The following SELP variants were observed in gnomAD, a reference collection of about 807,000 sequenced individuals.
SELP encodes the protein selectin P, also known as P-selectin.
Under a neutral mutation model 104.1 loss-of-function variants are expected in SELP, and 92 were observed. The observed-to-expected ratio is 0.88, with a 90% CI of 0.75 to 1.05. The LOEUF is 1.05. Ranked by LOEUF, SELP falls within the 50% of genes least tolerant of loss-of-function variation. The pLI, the probability that SELP is intolerant of heterozygous loss-of-function variation, is 0.00. For synonymous variants in SELP, 397 were observed against 364.5 expected (o/e 1.09, Z -1.01); for missense variants, 1,022 against 1,017.3 (o/e 1.00, Z -0.06).
chr1:169,616,970 AG>A, intron 3 of SELP, 57 bp downstream of exon 3: 2 of 1,506,114 alleles, frequency 1.3e-6, no homozygotes, highest in Non-Finnish European at 8.9e-7. Flanking sequence ...TTGGCCAACC[AG>A]AGAAGGCAGG....
At chr1:169,607,690 C>G (rs922774695) in intron 8 of SELP, among the ~76,000 whole-genome samples, 1 of 152,152 alleles carries the variant, frequency 6.6e-6, no homozygotes, top group Non-Finnish European at 1.5e-5. Flanking sequence ...AGAGAGCACA[C>G]ATATTCCATG....
chr1:169,615,798 G>A (rs1214528442), intron 3 of SELP, among the ~76,000 whole-genome samples: 2 of 152,192 alleles, frequency 1.3e-5, no homozygotes, highest in African/African-American at 2.4e-5. Context: ...TTGGGGAGAA[G>A]AGGGACAATG....
rs184628814 is a variant in SELP, at chr1:169,591,658, C to T, written c.2408-202G>A. On this transcript the variant is annotated intron_variant, in intron 14 of 16. Coordinates refer to ENST00000263686, the MANE Select transcript of SELP (RefSeq NM_003005.4). ...AAATTAAACATTCGACAATATTTAACTCCAGAGTCCTGTCACTTTCTTCCT... is the reference window on the plus strand; with the variant it reads ...AAATTAAACATTCGACAATATTTAATTCCAGAGTCCTGTCACTTTCTTCCT... The T allele has an allele frequency of 1.1e-4, 45 of 403,118 alleles. No individual in the cohort carries two copies. In the Admixed American group the frequency reaches 1.1e-3, roughly 10 times the overall value. The allele number at this position is 403,118 out of a possible 1,614,324, so 25.0% of individuals were successfully genotyped here. A position where few individuals can be genotyped will look rare whatever the true frequency, so the allele number is the denominator to read the frequency against.
chr1:169,600,863 G>A (rs1661872459), intron 10 of SELP, among the ~76,000 whole-genome samples: 1 of 152,178 alleles, frequency 6.6e-6, no homozygotes, highest in Non-Finnish European at 1.5e-5. Flanking sequence ...ATCAGTCAAG[G>A]TTGATAATTC....
intron 12 of SELP, among the ~76,000 whole-genome samples, chr1:169,595,434 C>T (rs1320398737): frequency 6.6e-6 from 1 of 152,050 alleles, no homozygotes; most frequent in Non-Finnish European, 1.5e-5. Flanking sequence ...GTGACATTTG[C>T]AAAGCACTGT....
At chr1:169,599,538 A>G (rs747455462) in intron 10 of SELP, among the ~76,000 whole-genome samples, 1 of 152,192 alleles carries the variant, frequency 6.6e-6, no homozygotes, top group African/African-American at 2.4e-5. Context: ...GAATTCTTAA[A>G]CATATTGATT....
intron 15 of SELP, among the ~76,000 whole-genome samples, 175 bp downstream of exon 15, chr1:169,591,251 A>G (rs890029415): frequency 1.3e-4 from 20 of 152,176 alleles, no homozygotes; most frequent in African/African-American, 4.6e-4. Context: ...CCTACTTTAT[A>G]TTTTAATTAG....
At chr1:169,592,741 T>C (rs536295037) in intron 14 of SELP, among the ~76,000 whole-genome samples, 8 of 152,178 alleles carry the variant, frequency 5.3e-5, no homozygotes, top group Non-Finnish European at 8.8e-5. Flanking sequence ...GCATCAACTT[T>C]ACAAATTTTC....
At chr1:169,608,670 A>G (rs1177377708) in intron 8 of SELP, among the ~76,000 whole-genome samples, 1 of 152,170 alleles carries the variant, frequency 6.6e-6, no homozygotes, top group Non-Finnish European at 1.5e-5. Flanking sequence ...AGTGCTATGA[A>G]CATGGGTGCA....
intron 1 of SELP, among the ~76,000 whole-genome samples, chr1:169,628,739 C>T (rs991624817): frequency 3.3e-5 from 5 of 152,146 alleles, no homozygotes; most frequent in Non-Finnish European, 7.3e-5. Flanking sequence ...AGGAGGATGC[C>T]AAGGAGAGTA....
rs780401960 is a variant in SELP, at chr1:169,611,633, C to G, written c.1006G>C (p.Asp336His). The change falls in exon 7 of 17, where the codon GAC becomes CAC. Residue 336 changes from aspartate (D) to histidine (H), a missense_variant. Coordinates refer to ENST00000263686, the MANE Select transcript of SELP (RefSeq NM_003005.4). ...HLEAPSEGTMDCVHPLTAFAY... is the reference protein window; with the variant it reads ...HLEAPSEGTMHCVHPLTAFAY... ...AAAGCAGTGAGCGGATGAACACAGT[C>G]CATGGTTCCTTCACTGGGGGCTTCC... 1 of 1,614,082 alleles carries G rather than the reference C, an allele frequency of 6.2e-7. No homozygotes were observed. Among genetic ancestry groups the G allele is most frequent in the East Asian group, 2.2e-5 (1 of 44,878 alleles).
At chr1:169,610,694 G>A (rs780503576) in intron 7 of SELP, among the ~76,000 whole-genome samples, 3 of 152,050 alleles carry the variant, frequency 2.0e-5, no homozygotes, top group South Asian at 2.1e-4. Context: ...CAGGAGAATC[G>A]TTTGAACCTG....
Position 169,607,134 on chromosome 1 carries a change from G to T in SELP, c.1334C>A (p.Ala445Asp). Residue 445 changes from alanine to aspartate, a missense_variant and splice_region_variant, in exon 9 of 17, where the codon GCT becomes GAT. Transcript: ENST00000263686. Reference protein sequence around the residue: ...QWTAPAPVCQALQCQDLPVPN... With the variant: ...QWTAPAPVCQDLQCQDLPVPN... The stretch of plus-strand genomic sequence containing the variant: ...AACTGGGAGATCCTGGCACTGCAAA[G>T]CTAAGGGATGAGGAAGTAAGGAATA... 1 of 1,591,114 alleles carries T rather than the reference G, an allele frequency of 6.3e-7. No homozygotes were observed.
At chr1:169,615,022 G>A (rs771850878) in intron 3 of SELP, among the ~76,000 whole-genome samples, 8 of 152,132 alleles carry the variant, frequency 5.3e-5, no homozygotes, top group South Asian at 2.1e-4. Context: ...AAGAGACAAT[G>A]TTCTGTATTC....
chr1:169,598,935 G>C (rs979405537), intron 10 of SELP, among the ~76,000 whole-genome samples: 2 of 152,184 alleles, frequency 1.3e-5, no homozygotes, highest in African/African-American at 4.8e-5. Flanking sequence ...GGGGGCCCTA[G>C]TATAAAATGA....
chr1:169,617,134 TTTG>T lies in SELP; in HGVS notation c.372_374del (p.Asn124del), dbSNP rs780976360. On this transcript the variant is annotated inframe_deletion, in exon 3 of 17. Coordinates refer to ENST00000263686, the MANE Select transcript of SELP (RefSeq NM_003005.4). ...TCTCCACGCAGTCCTCGTTGTTCCT[TTTG>T]TTGTTAGGTTCATTATCAGCCCAGT... The T allele has an allele frequency of 4.3e-6, 7 of 1,614,130 alleles. No individual in the cohort carries two copies. In the East Asian group the frequency reaches 1.6e-4, roughly 36 times the overall value.
chr1:169,606,166 A>G (rs1334828810), intron 9 of SELP, among the ~76,000 whole-genome samples: 1 of 152,092 alleles, frequency 6.6e-6, no homozygotes, highest in East Asian at 1.9e-4. Context: ...AAAATACAAA[A>G]ATTAGCTGGG....
chr1:169,615,269 C>T (rs1662747364), intron 3 of SELP, among the ~76,000 whole-genome samples: 1 of 152,172 alleles, frequency 6.6e-6, no homozygotes, highest in South Asian at 2.1e-4. Context: ...TGCTTCTCTA[C>T]ATCCTTTACA....
rs1453811896 is a variant in SELP, at chr1:169,617,113, C to T, written c.396G>A (p.Val132=). The T allele has an allele frequency of 6.2e-7, 1 of 1,613,934 alleles. No homozygotes were observed. The highest frequency in any genetic ancestry group is 1.3e-5 in the African/African-American group (1 of 74,876). ...PNNKRNNEDC[V]EIYIKSPSAP... ...CTGACGGACTCTTGATGTATATCTC[C>T]ACGCAGTCCTCGTTGTTCCTTTTGT... is the stretch of plus-strand genomic sequence containing the variant. The change falls in exon 3 of 17, where the codon GTG becomes GTA. Residue 132 remains valine, a synonymous_variant. Transcript: ENST00000263686.
Sources: gnomAD v4.1 joint callset for allele counts (sites outside exome capture counted in the v4.1 genomes callset) on GRCh38, gnomAD v4.1.1 for gene constraint, MANE v1.5 for transcripts, NCBI Gene and HGNC (gene_info 2026-07-23, HGNC 2026-07-21) for gene names.